The following ARMH4 variants were observed in gnomAD, a reference collection of about 807,000 sequenced individuals.
ARMH4 encodes the protein armadillo like helical domain containing 4, also known as armadillo-like helical domain-containing protein 4.
A neutral mutation model predicts 61.9 loss-of-function variants in ARMH4; 49 were observed. The ratio of observed to expected loss-of-function variants is 0.79; its 90% confidence interval spans 0.63 to 1.00. The LOEUF (loss-of-function observed/expected upper bound fraction) is 1.00, where lower values mean the gene tolerates loss of function less well. ARMH4 is among the 50% of genes least tolerant of loss of function. ARMH4 has a pLI of 0.00. For synonymous variants in ARMH4, 368 were observed against 341.5 expected, an observed-to-expected ratio of 1.08 and a Z score of -0.85; for missense variants, 934 against 930.0, an observed-to-expected ratio of 1.00 and a Z score of -0.06.
chr14:58,031,835 C>A (rs540490384), intron 5 of ARMH4, among the ~76,000 whole-genome samples: 1 of 152,228 alleles, frequency 6.6e-6, no homozygotes, highest in South Asian at 2.1e-4. Flanking sequence ...GCCACGCCAC[C>A]TTCATTTTCA....
At chr14:58,065,882 C>G (rs1015305146) in intron 5 of ARMH4, among the ~76,000 whole-genome samples, 1 of 152,322 alleles carries the variant, frequency 6.6e-6, no homozygotes, top group Non-Finnish European at 1.5e-5. Flanking sequence ...AAACTGGGGG[C>G]AGCCTCCAGC....
At chr14:58,071,216 T>C (rs1193745717) in intron 5 of ARMH4, among the ~76,000 whole-genome samples, 7 of 151,276 alleles carry the variant, frequency 4.6e-5, no homozygotes, top group Admixed American at 1.3e-4. Context: ...GCAATGACAA[T>C]GATAAAAGAG....
chr14:58,098,361 A>G (rs1310070438), intron 4 of ARMH4, among the ~76,000 whole-genome samples: 1 of 152,250 alleles, frequency 6.6e-6, no homozygotes, highest in Admixed American at 6.5e-5. Context: ...GCCGTTGCAG[A>G]CACTAGGGAT....
intron 1 of ARMH4, chr14:58,141,678 C>T: frequency 2.9e-6 from 1 of 346,238 alleles, no homozygotes; most frequent in Non-Finnish European, 5.5e-6. Flanking sequence ...GCTCTTCCTT[C>T]CTTGAAGGGC....
intron 5 of ARMH4, among the ~76,000 whole-genome samples, chr14:58,046,806 A>C (rs1469528581): frequency 6.6e-6 from 1 of 152,204 alleles, no homozygotes; most frequent in African/African-American, 2.4e-5. Context: ...AAAAATTCTT[A>C]TGGCCCTCCA....
At chr14:58,119,841 T>C (rs1259803073) in intron 4 of ARMH4, among the ~76,000 whole-genome samples, 1 of 152,226 alleles carries the variant, frequency 6.6e-6, no homozygotes, top group Non-Finnish European at 1.5e-5. Flanking sequence ...CTTGGTTGAT[T>C]GCACGGCTAT....
intron 5 of ARMH4, among the ~76,000 whole-genome samples, chr14:58,079,025 T>G (rs574840093): frequency 6.6e-6 from 1 of 152,372 alleles, no homozygotes; most frequent in Non-Finnish European, 1.5e-5. Flanking sequence ...CTGAATATGA[T>G]GCTTGGGAAT....
At chr14:58,077,536 G>A (rs181756132) in intron 5 of ARMH4, among the ~76,000 whole-genome samples, 7 of 152,306 alleles carry the variant, frequency 4.6e-5, no homozygotes, top group Middle Eastern at 3.4e-3. Context: ...GAGCCTGGGA[G>A]GTCAAGGTTG....
chr14:58,145,125 C>T (rs1887695329), intron 1 of ARMH4, among the ~76,000 whole-genome samples: 1 of 152,166 alleles, frequency 6.6e-6, no homozygotes, highest in Non-Finnish European at 1.5e-5. Flanking sequence ...CACATGATCC[C>T]ATACTTCTGA....
intron 1 of ARMH4, among the ~76,000 whole-genome samples, chr14:58,144,960 T>G (rs963765099): frequency 3.3e-5 from 5 of 152,204 alleles, no homozygotes; most frequent in Non-Finnish European, 7.3e-5. Context: ...TCAGACAAAC[T>G]GACCTACTAA....
At chr14:58,009,727 C>T (rs1391428934) in intron 6 of ARMH4, among the ~76,000 whole-genome samples, 3 of 145,940 alleles carry the variant, frequency 2.1e-5, no homozygotes, top group African/African-American at 7.6e-5. Flanking sequence ...ATAAGAATCG[C>T]TTGAACCCAG....
intron 5 of ARMH4, among the ~76,000 whole-genome samples, chr14:58,090,879 C>CAAA (rs561257563): frequency 3.4e-5 from 2 of 59,336 alleles, no homozygotes; most frequent in Non-Finnish European, 6.8e-5. Context: ...GACCCTGTCT[C>CAAA]AAAAAAAAAA....
chr14:58,059,755 G>C lies in ARMH4; in HGVS notation c.2089+36969C>G, dbSNP rs1014431459. ...CTGTGGACTTTGATCAGAGCCAGTA[G>C]TTATTAATGCATAGGAAAAATTTTA... On this transcript the variant is annotated intron_variant, in intron 5 of 7. Coordinates refer to ENST00000267485, the MANE Select transcript of ARMH4 (RefSeq NM_001001872.4). Among the ~76,000 whole-genome samples, 7 of 152,308 alleles carry C rather than the reference G, an allele frequency of 4.6e-5. No individual in the cohort carries two copies. In the South Asian group the frequency reaches 1.4e-3, roughly 32 times the overall value.
intron 5 of ARMH4, among the ~76,000 whole-genome samples, chr14:58,015,654 T>C (rs1882584073): frequency 2.0e-5 from 3 of 150,802 alleles, no homozygotes; most frequent in African/African-American, 7.3e-5. Flanking sequence ...TTGCAATAAA[T>C]ATAAATTTTA....
chr14:58,047,221 T>C (rs964781236), intron 5 of ARMH4, among the ~76,000 whole-genome samples: 1 of 152,186 alleles, frequency 6.6e-6, no homozygotes, highest in Admixed American at 6.5e-5. Context: ...TGAAAAGTTG[T>C]CCAAATAATC....
chr14:58,138,134 C>T lies in ARMH4; in HGVS notation c.1225G>A (p.Val409Ile), dbSNP rs1396536466. The change falls in exon 2 of 8, where the codon GTT becomes ATT. Residue 409 changes from valine to isoleucine, a missense_variant. By Grantham distance (29) the Val-to-Ile change is conservative. Coordinates refer to ENST00000267485, the MANE Select transcript of ARMH4 (RefSeq NM_001001872.4). ...TPTSLMEDMK[V>I]SIVNLLQSTG... ...CTTTGGAGCAAGTTCACAATGGAAACTTTCATGTCTTCCATCAGACTTGTG... is the reference window on the plus strand; with the variant it reads ...CTTTGGAGCAAGTTCACAATGGAAATTTTCATGTCTTCCATCAGACTTGTG... The T allele has an allele frequency of 1.2e-6, 2 of 1,614,210 alleles. No individual in the cohort carries two copies. Among genetic ancestry groups the T allele is most frequent in the South Asian group, 1.1e-5 (1 of 91,086 alleles).
At chr14:58,114,706 T>C (rs970144290) in intron 4 of ARMH4, among the ~76,000 whole-genome samples, 1 of 152,196 alleles carries the variant, frequency 6.6e-6, no homozygotes, top group Non-Finnish European at 1.5e-5. Context: ...ATCTGTAATC[T>C]GGGTATATTT....
chr14:58,073,404 A>G (rs1377350797), intron 5 of ARMH4, among the ~76,000 whole-genome samples: 3 of 152,214 alleles, frequency 2.0e-5, no homozygotes, highest in African/African-American at 7.2e-5. Flanking sequence ...GATTGTGATT[A>G]CACTCAAACA....
chr14:58,056,961 C>T lies in ARMH4; in HGVS notation c.2089+39763G>A, dbSNP rs570727459. 4.5e-4 allele frequency among the ~76,000 whole-genome samples: 68 copies of T among 152,292 alleles called. 1 individual carries two copies. In the South Asian group the frequency reaches 0.014, roughly 31 times the overall value. Reference sequence around the variant, plus strand: ...AGAGAGTAAGTTTGCCTCCTTCACACTCTCCTTCCTTCCCACCAACCATAC... The same window carrying T: ...AGAGAGTAAGTTTGCCTCCTTCACATTCTCCTTCCTTCCCACCAACCATAC... On this transcript the variant is annotated intron_variant, in intron 5 of 7. Coordinates refer to ENST00000267485, the MANE Select transcript of ARMH4 (RefSeq NM_001001872.4).
Sources: gnomAD v4.1 joint callset for allele counts (sites outside exome capture counted in the v4.1 genomes callset) on GRCh38, gnomAD v4.1.1 for gene constraint, MANE v1.5 for transcripts, NCBI Gene and HGNC (gene_info 2026-07-23, HGNC 2026-07-21) for gene names.